Variants in SNX29 observed in about 807,000 individuals in gnomAD.
SNX29 encodes the protein sorting nexin-29.
SNX29 carries 78 observed loss-of-function variants against 102.1 expected under a neutral mutation model. The ratio of observed to expected loss-of-function variants is 0.76; its 90% CI spans 0.64 to 0.92. The LOEUF (loss-of-function observed/expected upper bound fraction) is 0.92. Ranked by LOEUF, SNX29 falls within the 40% of genes least tolerant of loss-of-function variation. SNX29 has a pLI of 0.00. For missense variants in SNX29, 1,280 were observed against 1,061.7 expected (o/e 1.21, Z -2.86); for synonymous variants, 580 against 414.5 (o/e 1.40, Z -4.85).
At chr16:12,537,142 G>A (rs1239518742) in intron 20 of SNX29, among the ~76,000 whole-genome samples, 1 of 152,124 alleles carries the variant, frequency 6.6e-6, no homozygotes, top group Non-Finnish European at 1.5e-5. Context: ...GATCTCAGAG[G>A]CTGGGACTCT....
intron 20 of SNX29, among the ~76,000 whole-genome samples, chr16:12,547,571 C>CCCT: frequency 6.6e-6 from 1 of 152,160 alleles, no homozygotes; most frequent in East Asian, 1.9e-4. Context: ...ACATCCCCCT[C>CCCT]CCTCACGAGG....
chr16:12,151,570 C>G (rs972300626), intron 13 of SNX29, among the ~76,000 whole-genome samples: 1 of 152,154 alleles, frequency 6.6e-6, no homozygotes, highest in Non-Finnish European at 1.5e-5. Context: ...TTTGTTCTGC[C>G]CGGGACTCGT....
At chr16:12,534,480 G>A (rs540475447) in intron 20 of SNX29, among the ~76,000 whole-genome samples, 4 of 152,298 alleles carry the variant, frequency 2.6e-5, no homozygotes, top group South Asian at 2.1e-4. Flanking sequence ...TTTTGTTTTC[G>A]GGGTTTGTTT....
chr16:12,540,609 G>A (rs146974685), intron 20 of SNX29, among the ~76,000 whole-genome samples: 30 of 152,022 alleles, frequency 2.0e-4, no homozygotes, highest in African/African-American at 6.3e-4. Context: ...GAGATTCCAT[G>A]GGGTGGACCT....
intron 13 of SNX29, among the ~76,000 whole-genome samples, chr16:12,144,566 G>C (rs191396986): frequency 4.5e-4 from 68 of 152,342 alleles, no homozygotes; most frequent in African/African-American, 1.5e-3. Flanking sequence ...TCTGACCTAT[G>C]ATGACGCAGC....
At chr16:12,234,183 A>G (rs1436712585) in intron 14 of SNX29, among the ~76,000 whole-genome samples, 4 of 152,118 alleles carry the variant, frequency 2.6e-5, no homozygotes, top group Admixed American at 6.5e-5. Context: ...CAGTTATTCT[A>G]CCATGTCCTC....
intron 18 of SNX29, among the ~76,000 whole-genome samples, chr16:12,470,130 A>T (rs1232761719): frequency 1.3e-5 from 2 of 152,248 alleles, no homozygotes; most frequent in African/African-American, 4.8e-5. Flanking sequence ...ACGTCCAAGA[A>T]AGTTCCAGCT....
intron 19 of SNX29, among the ~76,000 whole-genome samples, chr16:12,510,672 C>CA (rs1035969416): frequency 4.6e-5 from 7 of 150,842 alleles, no homozygotes; most frequent in African/African-American, 9.7e-5. Context: ...GACTCTGTCT[C>CA]AAAAAAAAGA....
At position 12,503,285 on chromosome 16, in the gene SNX29, G is replaced by T. The variant is rs140298420; in HGVS notation, c.2179-21417G>T. ...GGATAAATAATTAATAGGGTGGGAA[G>T]AATGTGGAGAGAATAACATAGCTCG... On this transcript the variant is annotated intron_variant, in intron 19 of 20. Transcript: ENST00000566228. 9.2e-5 allele frequency among the ~76,000 whole-genome samples: 14 copies of T among 152,346 alleles called. No homozygotes were observed. In the East Asian group the frequency reaches 2.7e-3, roughly 29 times the overall value.
At chr16:12,181,072 G>T (rs1051451188) in intron 13 of SNX29, among the ~76,000 whole-genome samples, 1 of 152,188 alleles carries the variant, frequency 6.6e-6, no homozygotes, top group African/African-American at 2.4e-5. Context: ...AGTCAGTGGA[G>T]GTGGGCCTGG....
intron 20 of SNX29, among the ~76,000 whole-genome samples, chr16:12,553,398 G>A (rs947358400): frequency 2.2e-4 from 34 of 152,310 alleles, no homozygotes; most frequent in African/African-American, 7.9e-4. Flanking sequence ...CATATAAGTA[G>A]TTCTGGTGGT....
intron 15 of SNX29, among the ~76,000 whole-genome samples, chr16:12,341,362 A>C (rs980607996): frequency 4.6e-5 from 7 of 152,230 alleles, no homozygotes; most frequent in African/African-American, 7.2e-5. Flanking sequence ...GGCTGTTGCA[A>C]AGCTGCCTTT....
At chr16:12,225,084 A>G in intron 14 of SNX29, among the ~76,000 whole-genome samples, 1 of 152,228 alleles carries the variant, frequency 6.6e-6, no homozygotes, top group Admixed American at 6.5e-5. Flanking sequence ...TCTAACAAAC[A>G]GTGCCTTTGG....
At position 12,570,030 on chromosome 16, in the gene SNX29, G is replaced by A. The variant is rs766975614; in HGVS notation, c.*1401G>A. ...AATGAGAACTGCCCAGGTGAGCATG[G>A]AGCATCTCCTAGGCTCGAGGACATC... On this transcript the variant is annotated 3_prime_UTR_variant, in exon 21 of 21. Transcript: ENST00000566228. The A allele has an allele frequency of 1.6e-5, 6 of 372,890 alleles. No homozygotes were observed. The highest frequency in any genetic ancestry group is 1.2e-4 in the South Asian group (1 of 8,428). 23.1% of individuals were successfully genotyped at this position (372,890 alleles called of 1,614,324 possible). A position where few individuals can be genotyped will look rare whatever the true frequency, so the allele number is the denominator to read the frequency against.
intron 15 of SNX29, among the ~76,000 whole-genome samples, chr16:12,290,306 A>G (rs2079750910): frequency 6.6e-6 from 1 of 152,300 alleles, no homozygotes; most frequent in Non-Finnish European, 1.5e-5. Flanking sequence ...TCACACAGGC[A>G]GGTGTAAGGT....
intron 15 of SNX29, among the ~76,000 whole-genome samples, chr16:12,330,196 C>T (rs992451120): frequency 6.6e-6 from 1 of 152,150 alleles, no homozygotes; most frequent in African/African-American, 2.4e-5. Flanking sequence ...GAGATGTGCT[C>T]AGGAAATGGT....
chr16:12,566,635 C>T (rs961605240), intron 20 of SNX29, among the ~76,000 whole-genome samples: 3 of 152,206 alleles, frequency 2.0e-5, no homozygotes, highest in South Asian at 4.1e-4. Flanking sequence ...CAAAGACCTC[C>T]TTCCAGCATC....
intron 6 of SNX29, 104 bp from the exon 7 acceptor site, chr16:12,048,268 A>G (rs532163993): frequency 9.7e-5 from 149 of 1,536,968 alleles, no homozygotes; most frequent in Non-Finnish European, 1.2e-4. Flanking sequence ...TTTAAGATCA[A>G]CGTGCCTCCT....
chr16:12,540,341 G>C (rs1334546361), intron 20 of SNX29, among the ~76,000 whole-genome samples: 1 of 152,148 alleles, frequency 6.6e-6, no homozygotes, highest in African/African-American at 2.4e-5. Context: ...TGATTAAAGA[G>C]GAACGTTATC....
Sources: gnomAD v4.1 joint callset for allele counts (sites outside exome capture counted in the v4.1 genomes callset) on GRCh38, gnomAD v4.1.1 for gene constraint, MANE v1.5 for transcripts, NCBI Gene and HGNC (gene_info 2026-07-23, HGNC 2026-07-21) for gene names.